The following PRORP variants were observed in gnomAD, a reference collection of about 807,000 sequenced individuals.
The protein encoded by PRORP is mitochondrial ribonuclease P catalytic subunit.
Under a neutral mutation model 59.4 loss-of-function variants are expected in PRORP, and 51 were observed. The ratio of observed to expected loss-of-function variants is 0.86; its 90% CI spans 0.69 to 1.08. PRORP has a LOEUF of 1.08. PRORP is among the 50% of genes least tolerant of loss of function. The probability of loss-of-function intolerance (pLI) is 0.00; values close to 1 mark genes in which losing one functional copy is unlikely to be tolerated. For missense variants in PRORP, 646 were observed against 690.3 expected (o/e 0.94, Z 0.72); for synonymous variants, 231 against 245.6 (o/e 0.94, Z 0.55).
rs148783672 is a variant in PRORP, at chr14:35,144,515, A to G, written c.1167+16904A>G. The G allele has an allele frequency of 1.3e-4, 19 of 146,014 alleles. 2 individuals carry two copies. The highest frequency in any genetic ancestry group is 4.6e-4 in the African/African-American group (19 of 41,212). The allele number at this position is 146,014 out of a possible 1,614,324, so 9.0% of individuals were successfully genotyped here. ...GAAAAGGGTTGACACCTGGATTTTTATATCTATTTCTATATTCAGTCTGTT... is the reference window on the plus strand; with the variant it reads ...GAAAAGGGTTGACACCTGGATTTTTGTATCTATTTCTATATTCAGTCTGTT... On this transcript the variant is annotated intron_variant, in intron 4 of 7. Coordinates refer to ENST00000534898, the MANE Select transcript of PRORP (RefSeq NM_014672.4).
chr14:35,153,293 G>A (rs551473571), intron 4 of PRORP, among the ~76,000 whole-genome samples: 1 of 152,368 alleles, frequency 6.6e-6, no homozygotes, highest in Non-Finnish European at 1.5e-5. Context: ...GGGAGGCTAA[G>A]GCAGGAGAAT....
At chr14:35,210,954 A>G (rs566290943) in intron 5 of PRORP, among the ~76,000 whole-genome samples, 9 of 151,674 alleles carry the variant, frequency 5.9e-5, no homozygotes, top group East Asian at 1.9e-4. Flanking sequence ...ATTTTTTTGT[A>G]GAGACACAGG....
Position 35,225,080 on chromosome 14 carries a change from T to G in PRORP, c.1276-41647T>G, listed in dbSNP as rs990119251. 5.3e-5 allele frequency among the ~76,000 whole-genome samples: 8 copies of G among 152,346 alleles called. 1 individual carries two copies. Among genetic ancestry groups the G allele is most frequent in the Admixed American group, 3.3e-4 (5 of 15,300 alleles). On this transcript the variant is annotated intron_variant, in intron 5 of 7. Transcript: ENST00000534898. ...AGTGTTGCTAGTATCAGAAATTTTT[T>G]TCCATGTTTGCATAGGTTTTATTTT...
chr14:35,190,230 C>T (rs2048848998), intron 5 of PRORP, among the ~76,000 whole-genome samples: 1 of 151,272 alleles, frequency 6.6e-6, no homozygotes, highest in African/African-American at 2.4e-5. Context: ...GAAACCCTGT[C>T]TCTATTAAAA....
chr14:35,235,870 G>A (rs992607567), intron 5 of PRORP, among the ~76,000 whole-genome samples: 3 of 151,834 alleles, frequency 2.0e-5, no homozygotes, highest in African/African-American at 7.3e-5. Flanking sequence ...TTTGAGACCA[G>A]CCTGGGCAAG....
chr14:35,141,046 TAGAGA>T (rs2047469866), intron 4 of PRORP, among the ~76,000 whole-genome samples: 2 of 145,564 alleles, frequency 1.4e-5, no homozygotes, highest in African/African-American at 4.9e-5. Flanking sequence ...TGATAGTAGG[TAGAGA>T]AAAGAGTGGT....
chr14:35,188,532 A>G (rs2048800605), intron 5 of PRORP, among the ~76,000 whole-genome samples: 1 of 151,990 alleles, frequency 6.6e-6, no homozygotes, highest in South Asian at 2.1e-4. Flanking sequence ...GATCTTTATC[A>G]GATATATAAT....
At chr14:35,240,294 CTTTTT>C (rs3058452) in intron 5 of PRORP, among the ~76,000 whole-genome samples, 4 of 109,430 alleles carry the variant, frequency 3.7e-5, no homozygotes. Context: ...TTTAAACCAT[CTTTTT>C]TTTTTTTTTT....
intron 5 of PRORP, among the ~76,000 whole-genome samples, chr14:35,256,488 C>T (rs1051048844): frequency 2.7e-5 from 4 of 150,782 alleles, no homozygotes; most frequent in East Asian, 2.0e-4. Context: ...CCTGCCACCA[C>T]GCCCAACTAA....
chr14:35,252,568 G>T (rs1371530483), intron 5 of PRORP, among the ~76,000 whole-genome samples: 4 of 152,212 alleles, frequency 2.6e-5, no homozygotes, highest in African/African-American at 9.7e-5. Flanking sequence ...AACTGCTGCT[G>T]CCTGTAGGTG....
intron 5 of PRORP, among the ~76,000 whole-genome samples, chr14:35,229,636 C>T (rs545515657): frequency 2.1e-4 from 32 of 152,154 alleles, no homozygotes; most frequent in Non-Finnish European, 4.3e-4. Flanking sequence ...AGTTACTCCC[C>T]ACCCCTCATA....
Position 35,218,467 on chromosome 14 carries a change from G to GA in PRORP, c.1275+37708dup, listed in dbSNP as rs1209553911. 1.3e-3 allele frequency among the ~76,000 whole-genome samples: 131 copies of GA among 100,194 alleles called. 3 individuals are homozygous for GA. Among genetic ancestry groups the GA allele is most frequent in the African/African-American group, 3.7e-3 (96 of 25,922 alleles). The allele number at this position is 100,194 out of a possible 152,430, so 65.7% of individuals were successfully genotyped here. On this transcript the variant is annotated intron_variant, in intron 5 of 7. Coordinates refer to ENST00000534898, the MANE Select transcript of PRORP (RefSeq NM_014672.4). Reference sequence around the variant, plus strand: ...CAGAGCAAGATCCTGTCTAAAAAAAGAAAAAAAAAAAAAAAAAACCAACAA... The same window carrying GA: ...CAGAGCAAGATCCTGTCTAAAAAAAGAAAAAAAAAAAAAAAAAAACCAACAA...
chr14:35,193,564 C>T (rs1266182334), intron 5 of PRORP, among the ~76,000 whole-genome samples: 1 of 151,030 alleles, frequency 6.6e-6, no homozygotes, highest in East Asian at 1.9e-4. Context: ...GTAAAAGTTT[C>T]AATACCATAA....
chr14:35,151,617 T>G (rs2047748383), intron 4 of PRORP, among the ~76,000 whole-genome samples: 1 of 147,300 alleles, frequency 6.8e-6, no homozygotes, highest in African/African-American at 2.6e-5. Flanking sequence ...ATAGCACTTA[T>G]CTGACATGCT....
chr14:35,152,844 A>G (rs2047808152), intron 4 of PRORP, among the ~76,000 whole-genome samples: 1 of 151,528 alleles, frequency 6.6e-6, no homozygotes, highest in Non-Finnish European at 1.5e-5. Flanking sequence ...GCGGCCGGAC[A>G]GAGACTATCC....
intron 5 of PRORP, among the ~76,000 whole-genome samples, chr14:35,200,243 A>C (rs2139125014): frequency 6.6e-6 from 1 of 152,162 alleles, no homozygotes; most frequent in Middle Eastern, 3.4e-3. Flanking sequence ...CCCAGGCTAG[A>C]GTGCTGTGGC....
At chr14:35,237,696 T>G (rs1484469027) in intron 5 of PRORP, among the ~76,000 whole-genome samples, 10 of 152,236 alleles carry the variant, frequency 6.6e-5, no homozygotes. Flanking sequence ...TCTTGCTCTG[T>G]TGCCCAGACT....
At chr14:35,250,305 C>G (rs2050584810) in intron 5 of PRORP, among the ~76,000 whole-genome samples, 1 of 152,080 alleles carries the variant, frequency 6.6e-6, no homozygotes, top group South Asian at 2.1e-4. Flanking sequence ...AACACCCTAC[C>G]TACTCCCAGT....
At position 35,140,568 on chromosome 14, in the gene PRORP, TTCTATATTC is replaced by T. The variant is rs1341326946; in HGVS notation, c.1167+12959_1167+12967del. On this transcript the variant is annotated intron_variant, in intron 4 of 7. Coordinates refer to ENST00000534898, the MANE Select transcript of PRORP (RefSeq NM_014672.4). ...TTCATTATTGAGTTGTAAGAACTGT[TTCTATATTC>T]TAGATACAAGTCCTAAGTCCAATAT... Among the ~76,000 whole-genome samples, 2 of 146,086 alleles carry T rather than the reference TTCTATATTC, an allele frequency of 1.4e-5. 1 individual carries two copies. Among genetic ancestry groups the T allele is most frequent in the Admixed American group, 1.4e-4 (2 of 14,052 alleles).
Sources: allele counts gnomAD v4.1 joint callset (sites outside exome capture counted in the v4.1 genomes callset), GRCh38; gene constraint gnomAD v4.1.1; transcripts MANE v1.5; gene names NCBI Gene and HGNC (gene_info 2026-07-23, HGNC 2026-07-21).